KDM4B: variants seen among roughly 807,000 people sequenced by gnomAD.
KDM4B encodes the protein lysine demethylase 4B.
A neutral mutation model predicts 125.2 loss-of-function variants in KDM4B; 32 were observed. The observed-to-expected ratio is 0.26, with a 90% CI of 0.19 to 0.34. The LOEUF is 0.34. Ranked by LOEUF, KDM4B falls within the 10% of genes least tolerant of loss-of-function variation. KDM4B has a pLI of 1.00. For synonymous variants in KDM4B, 721 were observed against 677.9 expected (o/e 1.06, Z -0.99); for missense variants, 1,190 against 1,577.7 (o/e 0.75, Z 4.16).
At chr19:4,974,295 G>A (rs1483962036) in intron 1 of KDM4B, among the ~76,000 whole-genome samples, 4 of 151,890 alleles carry the variant, frequency 2.6e-5, no homozygotes, top group Admixed American at 2.0e-4. Context: ...CCAGCTACTC[G>A]GGAGGCTGAG....
At chr19:5,119,002 T>A in intron 10 of KDM4B, 2 of 648,364 alleles carry the variant, frequency 3.1e-6, no homozygotes, top group South Asian at 1.9e-5. Flanking sequence ...ATGCACCTCA[T>A]GGGCTGCAGA....
intron 6 of KDM4B, among the ~76,000 whole-genome samples, chr19:5,049,546 C>G (rs1429823032): frequency 6.6e-6 from 1 of 151,832 alleles, no homozygotes. Context: ...AGTGTAGGCT[C>G]TAGCTGCAGG....
In KDM4B at chr19:5,035,262, G is replaced by C. The variant is rs1348099855; in HGVS notation, c.141+2231G>C. 6.6e-6 allele frequency among the ~76,000 whole-genome samples: 1 copy of C among 152,116 alleles called. No individual in the cohort carries two copies. Among genetic ancestry groups the C allele is most frequent in the East Asian group, 1.9e-4 (1 of 5,178 alleles). ...TTATCCTGGCACCGCATCTGCCTCT[G>C]TCTCCTGCCCTTGACCTACTTCCAC... On this transcript the variant is annotated intron_variant, in intron 3 of 22. Transcript: ENST00000159111. The surrounding 1 kb of genome is among the most constrained non-coding windows in gnomAD (Gnocchi z 5.3).
At chr19:4,989,628 A>G (rs2034967979) in intron 1 of KDM4B, among the ~76,000 whole-genome samples, 1 of 150,844 alleles carries the variant, frequency 6.6e-6, no homozygotes, top group Non-Finnish European at 1.5e-5. Flanking sequence ...GGCATGAGCC[A>G]CCATGCCCAG....
intron 9 of KDM4B, among the ~76,000 whole-genome samples, chr19:5,102,119 G>A (rs910590188): frequency 5.3e-5 from 8 of 152,146 alleles, no homozygotes; most frequent in African/African-American, 1.7e-4. Context: ...GTGCGTGCCC[G>A]CCACCACCAT....
chr19:5,146,128 C>G (rs1351244233), intron 21 of KDM4B, among the ~76,000 whole-genome samples: 1 of 151,046 alleles, frequency 6.6e-6, no homozygotes, highest in African/African-American at 2.4e-5. Flanking sequence ...GCAGGCCGAC[C>G]CCGCCCAGTC....
intron 6 of KDM4B, among the ~76,000 whole-genome samples, chr19:5,067,904 T>C (rs1006455411): frequency 2.0e-5 from 3 of 152,064 alleles, no homozygotes; most frequent in African/African-American, 7.2e-5. Flanking sequence ...ATTTTGGCCG[T>C]GAAGTTTGAC....
intron 1 of KDM4B, among the ~76,000 whole-genome samples, chr19:5,010,710 C>T (rs765227511): frequency 6.6e-5 from 10 of 152,190 alleles, no homozygotes; most frequent in Non-Finnish European, 1.5e-4. Context: ...TGCAGTGGCG[C>T]GATCTTCGCT....
intron 7 of KDM4B, among the ~76,000 whole-genome samples, 174 bp downstream of exon 7, chr19:5,071,233 CGTG>C (rs1215178923): frequency 6.6e-6 from 1 of 152,238 alleles, no homozygotes; most frequent in African/African-American, 2.4e-5. Flanking sequence ...CTCCCACCCT[CGTG>C]GTCAGATTCA....
intron 18 of KDM4B, among the ~76,000 whole-genome samples, chr19:5,143,277 C>T (rs909678859): frequency 5.2e-4 from 79 of 151,146 alleles, no homozygotes; most frequent in African/African-American, 2.4e-5. Context: ...GAGCTATGAT[C>T]GCGCCGTGTG....
chr19:5,003,431 A>G (rs1390550357), intron 1 of KDM4B, among the ~76,000 whole-genome samples: 1 of 152,010 alleles, frequency 6.6e-6, no homozygotes, highest in Non-Finnish European at 1.5e-5. Context: ...TGGTGAGCCA[A>G]GATCGTGCCA....
chr19:5,018,466 T>C (rs2035961146), intron 2 of KDM4B, among the ~76,000 whole-genome samples: 1 of 152,234 alleles, frequency 6.6e-6, no homozygotes, highest in Non-Finnish European at 1.5e-5. Flanking sequence ...TCCGAAGGCC[T>C]GGAGCTGAAG....
chr19:5,063,024 T>C (rs2145785466), intron 6 of KDM4B, among the ~76,000 whole-genome samples: 1 of 152,048 alleles, frequency 6.6e-6, no homozygotes, highest in African/African-American at 2.4e-5. Context: ...TCTTGATATA[T>C]CACATTGGCT....
At position 5,142,298 on chromosome 19, in the gene KDM4B, C is replaced by A. The variant is rs1358208686; in HGVS notation, c.2551-1669C>A. On this transcript the variant is annotated intron_variant, in intron 18 of 22. Transcript: ENST00000159111. This position sits in a 1 kb window ranked among gnomAD's most constrained non-coding sequence, Gnocchi z 5.4. The stretch of plus-strand genomic sequence containing the variant: ...CCAGCACTGGATGTGGGTCTTCAAA[C>A]TGCGGCTCCCAGGAAGGGAGGTGAC... 6.6e-6 allele frequency among the ~76,000 whole-genome samples: 1 copy of A among 152,158 alleles called. No homozygotes were observed. Among genetic ancestry groups the A allele is most frequent in the Non-Finnish European group, 1.5e-5 (1 of 68,012 alleles).
intron 9 of KDM4B, among the ~76,000 whole-genome samples, chr19:5,104,136 G>T (rs759766321): frequency 6.6e-6 from 1 of 152,212 alleles, no homozygotes; most frequent in Non-Finnish European, 1.5e-5. Context: ...AGTCCCGCTG[G>T]CAGGACCCCG....
At chr19:5,020,244 T>A in intron 2 of KDM4B, among the ~76,000 whole-genome samples, 1 of 150,186 alleles carries the variant, frequency 6.7e-6, no homozygotes. Flanking sequence ...TTGTTGATGT[T>A]GGTGTGGGTG....
In KDM4B at chr19:5,082,306, G is replaced by C; in HGVS notation, c.781-61G>C. On this transcript the variant is annotated intron_variant, in intron 8 of 22. Transcript: ENST00000159111. This position sits in a 1 kb window ranked among gnomAD's most constrained non-coding sequence, Gnocchi z 5.4. ...CTGGCACTTGCTGGGAAGTGCCCAC[G>C]TCCCATCCCCTGGTGCGCCTCTGGT... 6.2e-7 allele frequency: 1 copy of C among 1,605,250 alleles called. No individual in the cohort carries two copies. The highest frequency in any genetic ancestry group is 8.5e-7 in the Non-Finnish European group (1 of 1,175,596).
intron 9 of KDM4B, among the ~76,000 whole-genome samples, chr19:5,083,330 AC>A (rs1007984914): frequency 1.3e-4 from 19 of 151,350 alleles, no homozygotes; most frequent in Admixed American, 9.2e-4. Flanking sequence ...TTGGCTGGCC[AC>A]CCCCTCCCCC....
chr19:5,082,508 A>G lies in KDM4B; in HGVS notation c.918+4A>G, dbSNP rs751830403. The G allele has an allele frequency of 3.8e-6, 6 of 1,591,756 alleles. No individual in the cohort carries two copies. The African/African-American group carries it at 8.1e-5, about 21-fold the overall frequency. ...CTACGGCAAAGTGGCCACTCAGGTA[A>G]AAGCTTGCCTGCTGGGAACGGGTCC... On this transcript the variant is annotated splice_donor_region_variant and intron_variant, in intron 9 of 22. Coordinates refer to ENST00000159111, the MANE Select transcript of KDM4B (RefSeq NM_015015.3). This position sits in a 1 kb window ranked among gnomAD's most constrained non-coding sequence, Gnocchi z 5.4.
Sources: gnomAD v4.1 joint callset for allele counts (sites outside exome capture counted in the v4.1 genomes callset) on GRCh38, gnomAD v4.1.1 for gene constraint, Gnocchi (gnomAD v3.1) non-coding constraint, MANE v1.5 for transcripts, NCBI Gene and HGNC (gene_info 2026-07-23, HGNC 2026-07-21) for gene names.